RASAL2: variants seen among roughly 807,000 people sequenced by gnomAD.
The protein encoded by RASAL2 is ras GTPase-activating protein nGAP.
In RASAL2, 58 loss-of-function variants were observed where a neutral mutation model predicts 128.9. That is an observed-to-expected ratio of 0.45 (90% confidence interval 0.36 to 0.56). The LOEUF is 0.56. Ranked by LOEUF, RASAL2 falls within the 20% of genes least tolerant of loss-of-function variation. The pLI, the probability that RASAL2 is intolerant of heterozygous loss-of-function variation, is 0.00. For missense variants in RASAL2, 1,360 were observed against 1,601.6 expected (o/e 0.85, Z 2.57); for synonymous variants, 561 against 580.8 (o/e 0.97, Z 0.49).
chr1:178,419,448 ATT>A (rs561285057), intron 4 of RASAL2, among the ~76,000 whole-genome samples: 79 of 151,496 alleles, frequency 5.2e-4, no homozygotes, highest in African/African-American at 1.9e-3. Context: ...TAAATTTTTT[ATT>A]TTATTTTATT....
intron 13 of RASAL2, 145 bp downstream of exon 13, chr1:178,457,044 T>TA: frequency 1.4e-6 from 1 of 734,414 alleles, no homozygotes; most frequent in Non-Finnish European, 2.2e-6. Context: ...GTCCAATTAT[T>TA]TGTCATAATA....
intron 1 of RASAL2, among the ~76,000 whole-genome samples, chr1:178,238,937 T>G (rs972143936): frequency 2.6e-5 from 4 of 152,082 alleles, no homozygotes; most frequent in African/African-American, 7.2e-5. Flanking sequence ...GAGTAATGAC[T>G]CTGGATCTAT....
In RASAL2 at chr1:178,290,832, C is replaced by T. The variant is rs139043942; in HGVS notation, c.330+7141C>T. ...CTGGGACTACAGGCGCCCACCACCA[C>T]GCACGGCTAATTTTTTTGTATTTTT... On this transcript the variant is annotated intron_variant, in intron 2 of 17. Transcript: ENST00000367649. 3.5e-3 allele frequency among the ~76,000 whole-genome samples: 526 copies of T among 151,948 alleles called. 1 individual carries two copies. Among genetic ancestry groups the T allele is most frequent in the African/African-American group, 0.012 (491 of 41,456 alleles).
intron 8 of RASAL2, among the ~76,000 whole-genome samples, chr1:178,444,670 T>C (rs1676879714): frequency 6.6e-6 from 1 of 152,142 alleles, no homozygotes; most frequent in South Asian, 2.1e-4. Flanking sequence ...CCTTATGCTA[T>C]CCTTCTGGAT....
At chr1:178,159,102 G>T (rs73051412) in intron 1 of RASAL2, among the ~76,000 whole-genome samples, 2,053 of 152,138 alleles carry the variant, frequency 0.013, 48 homozygotes, top group African/African-American at 0.046. Flanking sequence ...AATACTTTAG[G>T]AATTATTTTT....
rs138746750 is a variant in RASAL2 at position 178,164,805 on chromosome 1, G to A, written c.202+70111G>A. On this transcript the variant is annotated intron_variant, in intron 1 of 17. Coordinates refer to ENST00000367649, the MANE Select transcript of RASAL2 (RefSeq NM_170692.4). ...CAGTTTTAAGTTTTTTAGAACATAC[G>A]CTTTGTTCATCAAACGTTTGTGTGT... Among the ~76,000 whole-genome samples, 299 of 135,218 alleles carry A rather than the reference G, an allele frequency of 2.2e-3. 4 individuals are homozygous for A. The highest frequency in any genetic ancestry group is 3.3e-3 in the Non-Finnish European group (213 of 63,930). The allele number at this position is 135,218 out of a possible 152,430, so 88.7% of individuals were successfully genotyped here.
chr1:178,259,839 C>T (rs1480312914), intron 1 of RASAL2, among the ~76,000 whole-genome samples: 2 of 152,052 alleles, frequency 1.3e-5, no homozygotes, highest in African/African-American at 2.4e-5. Context: ...GCTGAGATTA[C>T]GGGGATGGGT....
chr1:178,462,444 T>C (rs1189227079), intron 14 of RASAL2, among the ~76,000 whole-genome samples: 2 of 152,078 alleles, frequency 1.3e-5, no homozygotes, highest in African/African-American at 4.8e-5. Context: ...AATTGGAAAA[T>C]AAGAGCAACG....
At position 178,476,271 on chromosome 1, in the gene RASAL2, TA is replaced by T. The variant is rs368174887; in HGVS notation, c.*3033del. On this transcript the variant is annotated 3_prime_UTR_variant, in exon 18 of 18. Coordinates refer to ENST00000367649, the MANE Select transcript of RASAL2 (RefSeq NM_170692.4). ...TGACCATTAATGAGGACAGTGTTGG[TA>T]GGAGTCAGAAAAGAGCTTCATATTC... is the stretch of plus-strand genomic sequence containing the variant. 6.6e-6 allele frequency: 1 copy of T among 152,304 alleles called. No individual in the cohort carries two copies. The highest frequency in any genetic ancestry group is 1.9e-4 in the East Asian group (1 of 5,176). 9.4% of individuals were successfully genotyped at this position (152,304 alleles called of 1,614,324 possible). A position where few individuals can be genotyped will look rare whatever the true frequency, so the allele number is the denominator to read the frequency against.
intron 5 of RASAL2, among the ~76,000 whole-genome samples, chr1:178,433,879 TGCACTCCA>T (rs57337330): frequency 0.068 from 10,312 of 151,740 alleles, 1,119 homozygotes; most frequent in African/African-American, 0.23. Context: ...ATTGCACCAC[TGCACTCCA>T]GCCTGGGCAA....
At chr1:178,124,296 TC>T (rs1659814595) in intron 1 of RASAL2, among the ~76,000 whole-genome samples, 1 of 152,104 alleles carries the variant, frequency 6.6e-6, no homozygotes, top group Non-Finnish European at 1.5e-5. Flanking sequence ...TTTGACAAAG[TC>T]TGCAGACATT....
intron 4 of RASAL2, among the ~76,000 whole-genome samples, chr1:178,404,108 C>T (rs1271372877): frequency 1.3e-5 from 2 of 151,454 alleles, no homozygotes; most frequent in Non-Finnish European, 2.9e-5. Context: ...CGCCTGTAAT[C>T]CCAGCTACTC....
intron 1 of RASAL2, among the ~76,000 whole-genome samples, chr1:178,212,681 G>A (rs1393430291): frequency 6.6e-6 from 1 of 152,054 alleles, no homozygotes; most frequent in Non-Finnish European, 1.5e-5. Context: ...TAGTAGAGAT[G>A]GGGTCTCACC....
intron 1 of RASAL2, among the ~76,000 whole-genome samples, chr1:178,240,351 G>A (rs919434046): frequency 1.3e-5 from 2 of 152,006 alleles, no homozygotes; most frequent in African/African-American, 2.4e-5. Flanking sequence ...TAGCCAAAAG[G>A]AACTTAATAC....
intron 1 of RASAL2, among the ~76,000 whole-genome samples, chr1:178,096,784 T>A (rs1353074072): frequency 6.6e-6 from 1 of 152,120 alleles, no homozygotes; most frequent in Non-Finnish European, 1.5e-5. Flanking sequence ...TTTTATTTAT[T>A]GTTTAGTATT....
chr1:178,122,705 T>A (rs777234631), intron 1 of RASAL2, among the ~76,000 whole-genome samples: 2 of 152,200 alleles, frequency 1.3e-5, no homozygotes, highest in Non-Finnish European at 1.5e-5. Flanking sequence ...TTTTTTTGAA[T>A]GTCTTGTAAT....
At chr1:178,351,869 A>G (rs1477958191) in intron 3 of RASAL2, among the ~76,000 whole-genome samples, 2 of 152,208 alleles carry the variant, frequency 1.3e-5, no homozygotes, top group South Asian at 2.1e-4. Context: ...TTTCCCATTT[A>G]GAAAACAAAA....
At position 178,137,754 on chromosome 1, in the gene RASAL2, A is replaced by G. The variant is rs561503791; in HGVS notation, c.202+43060A>G. 2.4e-4 allele frequency among the ~76,000 whole-genome samples: 36 copies of G among 152,294 alleles called. No homozygotes were observed. In the East Asian group the frequency reaches 3.5e-3, roughly 15 times the overall value. On this transcript the variant is annotated intron_variant, in intron 1 of 17. Coordinates refer to ENST00000367649, the MANE Select transcript of RASAL2 (RefSeq NM_170692.4). ...TACTGACGCTTTCAAATGGTCAACA[A>G]AAAGTAGAGTTAAAGATTTTGTGAA...
intron 3 of RASAL2, among the ~76,000 whole-genome samples, chr1:178,309,926 A>G (rs1417875944): frequency 2.6e-5 from 4 of 152,178 alleles, no homozygotes; most frequent in African/African-American, 7.2e-5. Flanking sequence ...GGGTGTGGCT[A>G]ATAACACTCA....
Sources: allele counts gnomAD v4.1 joint callset (sites outside exome capture counted in the v4.1 genomes callset), GRCh38; gene constraint gnomAD v4.1.1; transcripts MANE v1.5; gene names NCBI Gene and HGNC (gene_info 2026-07-23, HGNC 2026-07-21).